Variants in RPS6KA3 observed in about 807,000 individuals in gnomAD.
The protein encoded by RPS6KA3 is ribosomal protein S6 kinase A3.
A neutral mutation model predicts 67.2 loss-of-function variants in RPS6KA3; 4 were observed. That is an observed-to-expected ratio of 0.06 (90% CI 0.03 to 0.14). The LOEUF (loss-of-function observed/expected upper bound fraction) is 0.14, where lower values mean the gene tolerates loss of function less well. RPS6KA3 is among the 10% of genes least tolerant of loss of function. RPS6KA3 has a pLI of 1.00. For missense variants in RPS6KA3, 204 were observed against 559.0 expected, an observed-to-expected ratio of 0.36 and a Z score of 6.40; for synonymous variants, 182 against 183.7, an observed-to-expected ratio of 0.99 and a Z score of 0.07.
chrX:20,150,196 T>C lies in RPS6KA3; in HGVS notation c.*5202A>G, dbSNP rs192999792. The C allele has an allele frequency of 4.4e-5, 5 of 113,726 alleles. No individual in the cohort carries two copies. Among genetic ancestry groups the C allele is most frequent in the African/African-American group, 1.6e-4 (5 of 31,370 alleles). The allele number at this position is 113,726 out of a possible 1,213,427, so 9.4% of individuals were successfully genotyped here. A position where few individuals can be genotyped will look rare whatever the true frequency, so the allele number is the denominator to read the frequency against. ...TTAACCACCAACAAAAGGTACAATA[T>C]GTAAGAATTCATGATATGGTATCTT... On this transcript the variant is annotated 3_prime_UTR_variant, in exon 22 of 22. Coordinates refer to ENST00000379565, the MANE Select transcript of RPS6KA3 (RefSeq NM_004586.3).
intron 20 of RPS6KA3, among the ~76,000 whole-genome samples, chrX:20,158,055 G>A (rs1013426980): frequency 9.1e-6 from 1 of 110,453 alleles, no homozygotes; most frequent in Non-Finnish European, 1.9e-5. Flanking sequence ...AAAATGGACT[G>A]GTGAAAGATG....
At chrX:20,231,067 C>A (rs1025737618) in intron 2 of RPS6KA3, among the ~76,000 whole-genome samples, 1 of 110,416 alleles carries the variant, frequency 9.1e-6, no homozygotes, top group African/African-American at 3.3e-5. Context: ...TCAAGTGATT[C>A]TCTGCTTCAG....
At chrX:20,161,305 C>T (rs988071684) in intron 20 of RPS6KA3, among the ~76,000 whole-genome samples, 1 of 111,455 alleles carries the variant, frequency 9.0e-6, no homozygotes, top group Non-Finnish European at 1.9e-5. Flanking sequence ...GGGATACTGC[C>T]ACCTATTTCA....
intron 1 of RPS6KA3, among the ~76,000 whole-genome samples, chrX:20,251,077 C>T (rs183280304): frequency 8.9e-6 from 1 of 111,814 alleles, no homozygotes; most frequent in African/African-American, 3.3e-5. Context: ...GTATAGAAAT[C>T]TGGGTTGACA....
At chrX:20,189,957 G>C (rs1283673322) in intron 7 of RPS6KA3, among the ~76,000 whole-genome samples, 1 of 110,716 alleles carries the variant, frequency 9.0e-6, no homozygotes, top group African/African-American at 3.3e-5. Context: ...GATTCTGCTT[G>C]ATTATGAAGA....
At chrX:20,256,380 C>T (rs769995690) in intron 1 of RPS6KA3, among the ~76,000 whole-genome samples, 1 of 109,874 alleles carries the variant, frequency 9.1e-6, no homozygotes, top group Non-Finnish European at 1.9e-5. Context: ...GTAGATTTTT[C>T]TGAAAAGAGG....
chrX:20,264,362 T>C (rs2070316118), intron 1 of RPS6KA3, among the ~76,000 whole-genome samples: 1 of 112,340 alleles, frequency 8.9e-6, no homozygotes, highest in African/African-American at 3.2e-5. Context: ...TATTTGTTTC[T>C]GGAAAATAGA....
chrX:20,266,456 A>G, intron 1 of RPS6KA3, 108 bp downstream of exon 1: 1 of 640,593 alleles, frequency 1.6e-6, no homozygotes, highest in East Asian at 4.0e-5. Flanking sequence ...CGGGGGAAAG[A>G]CGCGAGCGGG....
intron 17 of RPS6KA3, 86 bp downstream of exon 17, chrX:20,167,503 G>A (rs1015385520): frequency 2.3e-6 from 2 of 888,698 alleles, no homozygotes; most frequent in African/African-American, 3.9e-5. Context: ...TCCATTTCAG[G>A]CATAAAGTAA....
rs765149978 is a variant in RPS6KA3 at position 20,165,038 on chromosome X, G to A, written c.1625C>T (p.Pro542Leu). ...AQGVVHRDLK[P>L]SNILYVDESG... ...TTCATCCACATAAAGAATGTTGCTA[G>A]GTTTCAAGTCTCTATGAACCACCTA... Residue 542 changes from proline to leucine, a missense_variant, in exon 18 of 22, where the codon CCT becomes CTT. Transcript: ENST00000379565. The A allele has an allele frequency of 8.4e-7, 1 of 1,193,404 alleles. No individual in the cohort carries two copies. Among genetic ancestry groups the A allele is most frequent in the South Asian group, 1.8e-5 (1 of 56,445 alleles).
chrX:20,233,768 CA>C (rs780523634), intron 2 of RPS6KA3, among the ~76,000 whole-genome samples: 1 of 110,018 alleles, frequency 9.1e-6, no homozygotes, highest in African/African-American at 3.3e-5. Flanking sequence ...CCCCCCAAAA[CA>C]AAAAAACAAA....
intron 1 of RPS6KA3, among the ~76,000 whole-genome samples, chrX:20,251,809 G>C (rs1353307438): frequency 8.9e-6 from 1 of 112,120 alleles, no homozygotes; most frequent in African/African-American, 3.2e-5. Context: ...TTTTGTCTAG[G>C]AGTGGATTAC....
At chrX:20,165,348 G>C (rs868822104) in intron 17 of RPS6KA3, among the ~76,000 whole-genome samples, 13 of 111,760 alleles carry the variant, frequency 1.2e-4, no homozygotes, top group South Asian at 3.7e-4. Flanking sequence ...CCTCCAGGTT[G>C]ATCACTCATT....
chrX:20,156,078 T>C, intron 21 of RPS6KA3, 31 bp downstream of exon 21: 4 of 1,205,321 alleles, frequency 3.3e-6, no homozygotes, highest in Admixed American at 2.2e-5. Flanking sequence ...GGAGGACCTG[T>C]GGAAAACAGT....
chrX:20,235,417 C>A (rs746839599), intron 1 of RPS6KA3: 1 of 109,767 alleles, frequency 9.1e-6, no homozygotes, highest in African/African-American at 3.3e-5. Flanking sequence ...AAAAGACAAA[C>A]TGATTACAAA....
chrX:20,171,528 G>A (rs889437803), intron 15 of RPS6KA3, among the ~76,000 whole-genome samples: 3 of 111,962 alleles, frequency 2.7e-5, no homozygotes, highest in African/African-American at 9.7e-5. Flanking sequence ...TCTGAGCCCA[G>A]TTTGCATTAG....
At chrX:20,234,862 CAGTT>C in intron 1 of RPS6KA3, 48 bp from the exon 2 acceptor site, 1 of 968,408 alleles carries the variant, frequency 1.0e-6, no homozygotes, top group Non-Finnish European at 1.5e-6. Flanking sequence ...GACCTCACAT[CAGTT>C]AAAGTTAAAT....
intron 7 of RPS6KA3, among the ~76,000 whole-genome samples, chrX:20,193,244 C>T (rs940591066): frequency 1.8e-5 from 2 of 111,022 alleles, no homozygotes; most frequent in African/African-American, 6.6e-5. Context: ...CGCCACTGCA[C>T]TCCAGCCTGG....
At chrX:20,159,307 G>C (rs2067255277) in intron 20 of RPS6KA3, among the ~76,000 whole-genome samples, 1 of 112,135 alleles carries the variant, frequency 8.9e-6, no homozygotes, top group Non-Finnish European at 1.9e-5. Context: ...AAAAGTGTTA[G>C]CACAGTCCTT....
Sources: allele counts gnomAD v4.1 joint callset (sites outside exome capture counted in the v4.1 genomes callset), GRCh38; gene constraint gnomAD v4.1.1; transcripts MANE v1.5; gene names NCBI Gene and HGNC (gene_info 2026-07-23, HGNC 2026-07-21).